Variants in RNF125 observed in about 807,000 individuals in gnomAD.
The protein encoded by RNF125 is E3 ubiquitin-protein ligase RNF125.
A neutral mutation model predicts 26.0 loss-of-function variants in RNF125; 21 were observed. The ratio of observed to expected loss-of-function variants is 0.81; its 90% CI spans 0.57 to 1.16. RNF125 has a LOEUF of 1.16. Among genes scored for constraint, RNF125 ranks in the 50% most tolerant of loss-of-function variants. The probability of loss-of-function intolerance (pLI) is 0.00; values close to 1 mark genes in which losing one functional copy is unlikely to be tolerated. For missense variants in RNF125, 270 were observed against 299.4 expected (o/e 0.90, Z 0.72); for synonymous variants, 95 against 109.2 (o/e 0.87, Z 0.81).
chr18:32,043,582 A>G lies in RNF125; in HGVS notation c.413+1309A>G, dbSNP rs148357724. ...TATGGATCCTGTTAGATTGACCACA[A>G]TGACCAATAGGAAGGAAGGATTACC... is the stretch of plus-strand genomic sequence containing the variant. On this transcript the variant is annotated intron_variant, in intron 3 of 5. Coordinates refer to ENST00000217740, the MANE Select transcript of RNF125 (RefSeq NM_017831.4). Among the ~76,000 whole-genome samples, 620 of 152,328 alleles carry G rather than the reference A, an allele frequency of 4.1e-3. 6 individuals are homozygous for G. Among genetic ancestry groups the G allele is most frequent in the African/African-American group, 0.015 (603 of 41,582 alleles).
intron 1 of RNF125, among the ~76,000 whole-genome samples, chr18:32,021,371 A>C (rs4799624): frequency 0.73 from 111,681 of 152,140 alleles, 41,261 homozygotes; most frequent in African/African-American, 0.81. Flanking sequence ...TGAGCCATGG[A>C]GCCCGGCCGT....
downstream of RNF125, chr18:32,076,081 G>C: frequency 1.5e-6 from 1 of 682,804 alleles, no homozygotes; most frequent in Non-Finnish European, 2.7e-6. Flanking sequence ...TAGCCTGCCT[G>C]TGAGGTTCAC....
chr18:32,069,924 A>G lies in RNF125; in HGVS notation c.*1540A>G, dbSNP rs926646139. 2 of 152,240 alleles carry G rather than the reference A, an allele frequency of 1.3e-5. No homozygotes were observed. Among genetic ancestry groups the G allele is most frequent in the African/African-American group, 4.8e-5 (2 of 41,522 alleles). The allele number at this position is 152,240 out of a possible 1,614,324, so 9.4% of individuals were successfully genotyped here. On this transcript the variant is annotated 3_prime_UTR_variant, in exon 6 of 6. Coordinates refer to ENST00000217740, the MANE Select transcript of RNF125 (RefSeq NM_017831.4). ...CCCTGTCCTCTCGATATTAGCACACAGTGCAGGTTCAGGCACATTGAATTT... is the reference window on the plus strand; with the variant it reads ...CCCTGTCCTCTCGATATTAGCACACGGTGCAGGTTCAGGCACATTGAATTT...
chr18:32,045,463 G>A (rs1334367676), intron 3 of RNF125, among the ~76,000 whole-genome samples, 179 bp from the exon 4 acceptor site: 1 of 150,768 alleles, frequency 6.6e-6, no homozygotes, highest in Non-Finnish European at 1.5e-5. Context: ...GGAGGCTGAG[G>A]CAGGAGGATC....
Position 32,042,269 on chromosome 18 carries a change from G to A in RNF125, c.409G>A (p.Ala137Thr). 1.2e-6 allele frequency: 2 copies of A among 1,603,698 alleles called. No homozygotes were observed. The highest frequency in any genetic ancestry group is 1.7e-6 in the Non-Finnish European group (2 of 1,171,344). The change falls in exon 3 of 6, where the codon GCA becomes ACA. Residue 137 changes from alanine to threonine, a missense_variant. Transcript: ENST00000217740. ...GPLQELEETA[A>T]RCVCPFCQRE... ...ACTACAAGAACTTGAGGAGACAGCA[G>A]CAAGGTTTGTTTCAATACAATATAG...
chr18:32,051,794 A>G (rs1303852431), intron 4 of RNF125, among the ~76,000 whole-genome samples: 3 of 150,788 alleles, frequency 2.0e-5, no homozygotes, highest in African/African-American at 7.3e-5. Context: ...GGTTCAAGCA[A>G]TTCTCCTCCC....
At chr18:32,026,377 T>C (rs2039036432) in intron 1 of RNF125, among the ~76,000 whole-genome samples, 1 of 151,124 alleles carries the variant, frequency 6.6e-6, no homozygotes, top group Non-Finnish European at 1.5e-5. Flanking sequence ...GCATCCCGAG[T>C]AGCTGGGACT....
chr18:32,081,251 A>T, the RNF125 span, among the ~76,000 whole-genome samples: 1 of 152,044 alleles, frequency 6.6e-6, no homozygotes, highest in Non-Finnish European at 1.5e-5. Context: ...TTTTAAACAC[A>T]AAGAAAAAAA....
intron 1 of RNF125, among the ~76,000 whole-genome samples, chr18:32,032,706 G>A (rs1279590244): frequency 6.6e-6 from 1 of 152,062 alleles, no homozygotes; most frequent in Non-Finnish European, 1.5e-5. Context: ...AAAACCCAGT[G>A]GAGGGCCGGG....
the RNF125 span, among the ~76,000 whole-genome samples, chr18:32,085,373 CAGAG>C: frequency 0.26 from 33,545 of 128,344 alleles, 4,318 homozygotes; most frequent in Middle Eastern, 0.33. Context: ...CTGCCAGAAG[CAGAG>C]AGAGAGAGAG....
chr18:32,061,502 C>A (rs1174920946), intron 4 of RNF125, among the ~76,000 whole-genome samples: 1 of 152,154 alleles, frequency 6.6e-6, no homozygotes, highest in Non-Finnish European at 1.5e-5. Flanking sequence ...TCATTCCAAA[C>A]TCATCCCCTA....
Position 32,037,204 on chromosome 18 carries a change from C to T in RNF125, c.253C>T (p.Pro85Ser), listed in dbSNP as rs140181211. The T allele has an allele frequency of 1.3e-4, 203 of 1,605,756 alleles. No homozygotes were observed. The African/African-American group carries it at 2.1e-3, about 17-fold the overall frequency. ...CRAYLPSEGV[P>S]ATDVAKRMKS... is the part of the protein sequence containing the mutation. ...GGCATATCTTCCTTCAGAAGGAGTTCCAGCAACTGATGTAGCCAAAAGAAT... is the reference window on the plus strand; with the variant it reads ...GGCATATCTTCCTTCAGAAGGAGTTTCAGCAACTGATGTAGCCAAAAGAAT... Residue 85 changes from proline to serine, a missense_variant, in exon 2 of 6, where the codon CCA becomes TCA. Physicochemically the swap from Pro to Ser is moderately conservative, Grantham distance 74. Coordinates refer to ENST00000217740, the MANE Select transcript of RNF125 (RefSeq NM_017831.4).
intron 1 of RNF125, among the ~76,000 whole-genome samples, chr18:32,031,911 T>A (rs936673876): frequency 1.1e-4 from 17 of 151,682 alleles, no homozygotes; most frequent in Non-Finnish European, 1.6e-4. Context: ...CTTTTTTTTT[T>A]GAGAGAGAGA....
intron 3 of RNF125, among the ~76,000 whole-genome samples, chr18:32,043,873 A>G (rs1337751707): frequency 6.6e-6 from 1 of 152,244 alleles, no homozygotes; most frequent in Non-Finnish European, 1.5e-5. Context: ...GAGTTTGTCC[A>G]GAGTACAAGT....
chr18:32,067,358 C>G (rs1023459882), intron 5 of RNF125, among the ~76,000 whole-genome samples: 2 of 152,178 alleles, frequency 1.3e-5, no homozygotes, highest in Non-Finnish European at 2.9e-5. Context: ...ATCTTTCAGA[C>G]AAAGCATGAT....
At position 32,037,464 on chromosome 18, in the gene RNF125, C is replaced by T. The variant is rs567841892; in HGVS notation, c.318+195C>T. On this transcript the variant is annotated intron_variant, in intron 2 of 5. Transcript: ENST00000217740. ...TCGGCTTACTGCAACCTCCGCCTCC[C>T]AGGTTCAAGTGATTCTCCTGCCCGC... Among the ~76,000 whole-genome samples, 5 of 150,246 alleles carry T rather than the reference C, an allele frequency of 3.3e-5. No homozygotes were observed. In the South Asian group the frequency reaches 1.1e-3, roughly 32 times the overall value.
downstream of RNF125, among the ~76,000 whole-genome samples, chr18:32,075,186 T>C (rs76366917): frequency 9.8e-3 from 1,489 of 152,312 alleles, 24 homozygotes; most frequent in African/African-American, 0.034. Context: ...ATTTTTACAA[T>C]TCTACTCCAT....
chr18:32,048,362 G>T (rs555072505), intron 4 of RNF125, among the ~76,000 whole-genome samples: 69 of 151,844 alleles, frequency 4.5e-4, no homozygotes, highest in African/African-American at 1.6e-3. Flanking sequence ...GGAGACGGAG[G>T]TTGCAGTGAG....
chr18:32,063,430 G>A (rs552105721), intron 4 of RNF125, among the ~76,000 whole-genome samples: 20 of 152,144 alleles, frequency 1.3e-4, no homozygotes, highest in Admixed American at 7.9e-4. Context: ...ACCAAATGTT[G>A]GGGAAAATAA....
Sources: gnomAD v4.1 joint callset for allele counts (sites outside exome capture counted in the v4.1 genomes callset) on GRCh38, gnomAD v4.1.1 for gene constraint, MANE v1.5 for transcripts, NCBI Gene and HGNC (gene_info 2026-07-23, HGNC 2026-07-21) for gene names.